Variants in SERPINI1 observed in about 807,000 individuals in gnomAD.
SERPINI1 encodes the protein neuroserpin.
SERPINI1 carries 19 observed loss-of-function variants against 41.1 expected under a neutral mutation model. The ratio of observed to expected loss-of-function variants is 0.46; its 90% confidence interval spans 0.32 to 0.68. The LOEUF is 0.68. SERPINI1 is among the 30% of genes least tolerant of loss of function. The probability of loss-of-function intolerance (pLI) is 0.03; values close to 1 mark genes in which losing one functional copy is unlikely to be tolerated. For missense variants in SERPINI1, 460 were observed against 479.2 expected (o/e 0.96, Z 0.37); for synonymous variants, 138 against 156.6 (o/e 0.88, Z 0.89).
At position 167,789,195 on chromosome 3, in the gene SERPINI1, G is replaced by C; in HGVS notation, c.67G>C (p.Glu23Gln). Residue 23 changes from glutamate (E) to glutamine (Q), a missense_variant, in exon 2 of 9, where the codon GAG becomes CAG. Transcript: ENST00000446050. ...TATGGCTACAGGGGCCACTTTCCCTGAGGAAGCCATTGCTGACTTGTCAGT... is the reference window on the plus strand; with the variant it reads ...TATGGCTACAGGGGCCACTTTCCCTCAGGAAGCCATTGCTGACTTGTCAGT... Reference protein sequence around the residue: ...QSMATGATFPEEAIADLSVNM... With the variant: ...QSMATGATFPQEAIADLSVNM... 2.5e-6 allele frequency: 4 copies of C among 1,614,128 alleles called. No homozygotes were observed. Among genetic ancestry groups the C allele is most frequent in the Non-Finnish European group, 3.4e-6 (4 of 1,180,008 alleles).
At chr3:167,777,861 T>C (rs1727008594) in intron 1 of SERPINI1, among the ~76,000 whole-genome samples, 1 of 152,166 alleles carries the variant, frequency 6.6e-6, no homozygotes, top group African/African-American at 2.4e-5. Context: ...TTGGAGGTGA[T>C]TGGGCTATGA....
At chr3:167,768,487 T>C (rs2108543972) in intron 1 of SERPINI1, among the ~76,000 whole-genome samples, 1 of 152,288 alleles carries the variant, frequency 6.6e-6, no homozygotes, top group South Asian at 2.1e-4. Context: ...GGTATGCCTG[T>C]ACTCAATTCA....
chr3:167,797,808 A>G (rs996483753), intron 5 of SERPINI1, among the ~76,000 whole-genome samples: 10 of 152,128 alleles, frequency 6.6e-5, no homozygotes, highest in Admixed American at 2.6e-4. Context: ...TTAATTCCAA[A>G]GAACAATTTA....
At chr3:167,817,295 C>G (rs1577435093) in intron 6 of SERPINI1, among the ~76,000 whole-genome samples, 1 of 152,192 alleles carries the variant, frequency 6.6e-6, no homozygotes, top group Non-Finnish European at 1.5e-5. Flanking sequence ...TGAGCTTGGT[C>G]TATGATTTTC....
At chr3:167,781,633 C>CTTTTTTTT (rs1560005922) in intron 1 of SERPINI1, among the ~76,000 whole-genome samples, 2 of 129,672 alleles carry the variant, frequency 1.5e-5, no homozygotes, top group Admixed American at 7.8e-5. Context: ...TTTCTTTTGG[C>CTTTTTTTT]CTTTTTTTTT....
chr3:167,797,018 A>C (rs1255595033), intron 5 of SERPINI1, among the ~76,000 whole-genome samples: 2 of 152,152 alleles, frequency 1.3e-5, no homozygotes, highest in African/African-American at 4.8e-5. Context: ...CCTTGCCAGC[A>C]TGTGTTGTTT....
intron 5 of SERPINI1, among the ~76,000 whole-genome samples, chr3:167,804,868 T>A (rs540618517): frequency 1.3e-5 from 2 of 152,220 alleles, no homozygotes; most frequent in African/African-American, 2.4e-5. Context: ...TGTTACATGA[T>A]GCAGGCATGC....
intron 1 of SERPINI1, among the ~76,000 whole-genome samples, chr3:167,748,642 C>T (rs1028502450): frequency 6.6e-6 from 1 of 151,946 alleles, no homozygotes; most frequent in Non-Finnish European, 1.5e-5. Flanking sequence ...ATTGATGATG[C>T]GGATTTGAGG....
intron 6 of SERPINI1, 142 bp from the exon 7 acceptor site, chr3:167,822,844 A>C (rs1712383218): frequency 3.2e-6 from 2 of 629,534 alleles, no homozygotes; most frequent in African/African-American, 3.7e-5. Context: ...TGGTTATCTC[A>C]TTAATGAAAT....
intron 1 of SERPINI1, among the ~76,000 whole-genome samples, chr3:167,758,563 T>C (rs1174220107): frequency 2.6e-5 from 4 of 152,148 alleles, no homozygotes; most frequent in Admixed American, 2.6e-4. Context: ...AGATTAAAAT[T>C]AGTGTTCAAA....
At chr3:167,745,442 AT>A (rs1302484738) in intron 1 of SERPINI1, among the ~76,000 whole-genome samples, 1 of 151,998 alleles carries the variant, frequency 6.6e-6, no homozygotes, top group South Asian at 2.1e-4. Context: ...AACATAAATA[AT>A]TTTTTTAAAA....
At chr3:167,780,077 T>C (rs1577413731) in intron 1 of SERPINI1, among the ~76,000 whole-genome samples, 1 of 152,264 alleles carries the variant, frequency 6.6e-6, no homozygotes. Context: ...GGAAAAAATA[T>C]ATACTTCTTT....
At chr3:167,750,484 G>A (rs1319639704) in intron 1 of SERPINI1, among the ~76,000 whole-genome samples, 1 of 152,196 alleles carries the variant, frequency 6.6e-6, no homozygotes, top group Non-Finnish European at 1.5e-5. Context: ...GCTTATTTGT[G>A]TATCATGTGA....
chr3:167,790,316 C>T, intron 2 of SERPINI1, 56 bp from the exon 3 acceptor site: 2 of 1,336,076 alleles, frequency 1.5e-6, no homozygotes, highest in Admixed American at 1.7e-5. Flanking sequence ...CTCCACTCTC[C>T]TTGACATTTC....
At chr3:167,811,508 G>T (rs1028215537) in intron 6 of SERPINI1, among the ~76,000 whole-genome samples, 1 of 151,892 alleles carries the variant, frequency 6.6e-6, no homozygotes, top group East Asian at 1.9e-4. Flanking sequence ...AACAATATAT[G>T]TATGTATATA....
intron 1 of SERPINI1, among the ~76,000 whole-genome samples, chr3:167,771,830 T>C (rs577063327): frequency 1.6e-4 from 24 of 146,860 alleles, no homozygotes; most frequent in South Asian, 1.5e-3. Context: ...TGTGTGTGTG[T>C]GCGCGTGTGT....
At chr3:167,756,212 T>C (rs1045534024) in intron 1 of SERPINI1, among the ~76,000 whole-genome samples, 3 of 152,216 alleles carry the variant, frequency 2.0e-5, no homozygotes, top group Admixed American at 2.0e-4. Context: ...TCAAACACTT[T>C]ACTGAAGCTA....
intron 1 of SERPINI1, among the ~76,000 whole-genome samples, chr3:167,780,888 C>G (rs1378859646): frequency 2.0e-5 from 3 of 152,060 alleles, no homozygotes; most frequent in Non-Finnish European, 2.9e-5. Flanking sequence ...AAACAAATAG[C>G]CTAAAGTACA....
At chr3:167,758,946 ACT>A (rs1371602261) in intron 1 of SERPINI1, among the ~76,000 whole-genome samples, 4 of 152,130 alleles carry the variant, frequency 2.6e-5, no homozygotes, top group South Asian at 4.1e-4. Flanking sequence ...AGGTTATAAC[ACT>A]CTCTTATATT....
Sources: allele counts gnomAD v4.1 joint callset (sites outside exome capture counted in the v4.1 genomes callset), GRCh38; gene constraint gnomAD v4.1.1; transcripts MANE v1.5; gene names NCBI Gene and HGNC (gene_info 2026-07-23, HGNC 2026-07-21).